Variants in NCKAP5 observed in about 807,000 individuals in gnomAD.
NCKAP5 encodes the protein nck-associated protein 5.
Under a neutral mutation model 167.0 loss-of-function variants are expected in NCKAP5, and 92 were observed. That is an observed-to-expected ratio of 0.55 (90% CI 0.47 to 0.66). NCKAP5 has a LOEUF of 0.66. NCKAP5 is among the 30% of genes least tolerant of loss of function. NCKAP5 has a pLI of 0.00. For synonymous variants in NCKAP5, 891 were observed against 877.4 expected, an observed-to-expected ratio of 1.02 and a Z score of -0.27; for missense variants, 2,378 against 2,315.0, an observed-to-expected ratio of 1.03 and a Z score of -0.56.
At chr2:133,400,206 G>T (rs1331248642) in intron 3 of NCKAP5, among the ~76,000 whole-genome samples, 1 of 151,918 alleles carries the variant, frequency 6.6e-6, no homozygotes, top group Non-Finnish European at 1.5e-5. Context: ...CCAAAATCCA[G>T]CTTCCCATTG....
chr2:133,230,542 T>A (rs1029134182), intron 4 of NCKAP5, among the ~76,000 whole-genome samples: 1 of 152,186 alleles, frequency 6.6e-6, no homozygotes, highest in Admixed American at 6.5e-5. Context: ...GTTCTAATGT[T>A]ACACTGGTCA....
intron 10 of NCKAP5, among the ~76,000 whole-genome samples, chr2:132,865,843 C>T (rs548934280): frequency 1.5e-4 from 23 of 152,136 alleles, no homozygotes; most frequent in Non-Finnish European, 3.1e-4. Context: ...TCCTACCTCA[C>T]GGGGCTGCCT....
chr2:133,032,578 C>T (rs966842781), intron 6 of NCKAP5, among the ~76,000 whole-genome samples: 3 of 152,156 alleles, frequency 2.0e-5, no homozygotes, highest in African/African-American at 4.8e-5. Flanking sequence ...GATGGCTTTG[C>T]CACCTGCTTA....
At chr2:133,270,412 T>C (rs568667279) in intron 4 of NCKAP5, among the ~76,000 whole-genome samples, 1 of 152,364 alleles carries the variant, frequency 6.6e-6, no homozygotes, top group South Asian at 2.1e-4. Context: ...ATCACCATTT[T>C]GTATACCCAT....
intron 19 of NCKAP5, among the ~76,000 whole-genome samples, chr2:132,693,948 C>T (rs980832252): frequency 1.3e-5 from 2 of 151,832 alleles, no homozygotes; most frequent in Non-Finnish European, 2.9e-5. Flanking sequence ...TAAGCCCTCT[C>T]GTTTATGGCA....
At chr2:133,608,854 C>T in the NCKAP5 span, among the ~76,000 whole-genome samples, 3 of 152,196 alleles carry the variant, frequency 2.0e-5, no homozygotes, top group African/African-American at 7.2e-5. Context: ...CTCTACATGG[C>T]ACTCAAGATC....
At chr2:133,659,266 T>C in the NCKAP5 span, among the ~76,000 whole-genome samples, 1 of 152,068 alleles carries the variant, frequency 6.6e-6, no homozygotes, top group Non-Finnish European at 1.5e-5. Context: ...CAAATGGTGT[T>C]GAAAAAACTG....
chr2:133,071,974 C>T (rs549636993), intron 6 of NCKAP5, among the ~76,000 whole-genome samples: 1 of 152,232 alleles, frequency 6.6e-6, no homozygotes, highest in South Asian at 2.1e-4. Context: ...AGGAAGTACT[C>T]ATTATGAATT....
intron 6 of NCKAP5, among the ~76,000 whole-genome samples, chr2:133,057,827 T>C (rs570904245): frequency 5.3e-4 from 81 of 152,372 alleles, no homozygotes; most frequent in African/African-American, 1.9e-3. Context: ...ATTTTTGATA[T>C]AAATGCTGAT....
chr2:133,379,279 C>T (rs902143660), intron 3 of NCKAP5, among the ~76,000 whole-genome samples: 3 of 152,136 alleles, frequency 2.0e-5, no homozygotes, highest in Non-Finnish European at 2.9e-5. Flanking sequence ...GTGCATACCT[C>T]GTGATTCAAA....
intron 3 of NCKAP5, among the ~76,000 whole-genome samples, chr2:133,459,148 T>G (rs780912800): frequency 5.9e-5 from 9 of 152,176 alleles, no homozygotes; most frequent in Admixed American, 1.3e-4. Flanking sequence ...ATTTGGCATC[T>G]GGCTAAGGAA....
chr2:132,743,510 G>A (rs1233712661), intron 16 of NCKAP5, among the ~76,000 whole-genome samples: 2 of 151,508 alleles, frequency 1.3e-5, no homozygotes, highest in African/African-American at 2.4e-5. Context: ...ACATTTAAAT[G>A]TTAAACCACT....
chr2:132,734,350 CTG>C (rs1691310691), intron 16 of NCKAP5, among the ~76,000 whole-genome samples: 2 of 152,150 alleles, frequency 1.3e-5, no homozygotes, highest in Admixed American at 1.3e-4. Flanking sequence ...TGTGTTGTAA[CTG>C]GGGCAATTCT....
chr2:133,554,858 A>T (rs546234396), intron 2 of NCKAP5, among the ~76,000 whole-genome samples: 2 of 152,280 alleles, frequency 1.3e-5, no homozygotes, highest in East Asian at 3.9e-4. Context: ...CTGAAGTCAC[A>T]CATGAACTGA....
At chr2:133,184,631 A>AT in intron 5 of NCKAP5, among the ~76,000 whole-genome samples, 1 of 152,098 alleles carries the variant, frequency 6.6e-6, no homozygotes, top group East Asian at 1.9e-4. Context: ...AACATCTGTT[A>AT]TTTTTTGACT....
At chr2:133,665,023 A>G in the NCKAP5 span, among the ~76,000 whole-genome samples, 4,188 of 152,282 alleles carry the variant, frequency 0.028, 200 homozygotes, top group African/African-American at 0.096. Context: ...GAGGAGAATT[A>G]AAGTCTTGTT....
chr2:133,498,433 C>A (rs60579119), intron 3 of NCKAP5, among the ~76,000 whole-genome samples: 225 of 100,392 alleles, frequency 2.2e-3, no homozygotes, highest in African/African-American at 7.7e-3. Context: ...ATGAGAAAAA[C>A]GGAAGGAAGG....
At position 132,785,530 on chromosome 2, in the gene NCKAP5, T is replaced by C; in HGVS notation, c.1281A>G (p.Lys427=). 6.2e-7 allele frequency: 1 copy of C among 1,609,154 alleles called. No individual in the cohort carries two copies. The highest frequency in any genetic ancestry group is 1.3e-5 in the African/African-American group (1 of 74,902). Residue 427 remains lysine (K), a synonymous_variant, in exon 14 of 20, where the codon AAA becomes AAG. Transcript: ENST00000409261. ...PPSVITKWGY[K]DCMNSNEGIY... ...TTCCTTCATTCGAGTTCATGCAATC[T>C]TTATAACCCCATTTGGTTATCACTG...
chr2:133,563,871 T>C (rs1475910511), intron 1 of NCKAP5, among the ~76,000 whole-genome samples: 1 of 152,136 alleles, frequency 6.6e-6, no homozygotes, highest in Non-Finnish European at 1.5e-5. Flanking sequence ...CAGTGTCTCA[T>C]ACCTGTAATC....
Sources: gnomAD v4.1 joint callset for allele counts (sites outside exome capture counted in the v4.1 genomes callset) on GRCh38, gnomAD v4.1.1 for gene constraint, MANE v1.5 for transcripts, NCBI Gene and HGNC (gene_info 2026-07-23, HGNC 2026-07-21) for gene names.